FAM81B: variants seen among roughly 807,000 people sequenced by gnomAD.
FAM81B encodes family with sequence similarity 81 member B, also known as protein FAM81B.
FAM81B carries 60 observed loss-of-function variants against 58.7 expected under a neutral mutation model. That is an observed-to-expected ratio of 1.02 (90% CI 0.83 to 1.27). The LOEUF is 1.27. Among genes scored for constraint, FAM81B ranks in the 50% most tolerant of loss-of-function variants. The pLI, the probability that FAM81B is intolerant of heterozygous loss-of-function variation, is 0.00. For missense variants in FAM81B, 491 were observed against 522.0 expected (o/e 0.94, Z 0.58); for synonymous variants, 189 against 179.6 (o/e 1.05, Z -0.42).
chr5:95,399,657 C>G (rs571044271), intron 3 of FAM81B, among the ~76,000 whole-genome samples: 1 of 152,234 alleles, frequency 6.6e-6, no homozygotes, highest in African/African-American at 2.4e-5. Context: ...TCTGCTCAAG[C>G]GTGAGAACTC....
At chr5:95,440,419 C>CT (rs1380477990) in intron 7 of FAM81B, 1 of 661,110 alleles carries the variant, frequency 1.5e-6, no homozygotes, top group Non-Finnish European at 2.9e-6. Flanking sequence ...CTGGTAATGC[C>CT]TAAGGCAATT....
chr5:95,448,617 G>T (rs1387392340), intron 9 of FAM81B, 153 bp downstream of exon 9: 18 of 723,874 alleles, frequency 2.5e-5, no homozygotes, highest in Non-Finnish European at 3.6e-5. Flanking sequence ...TATAGAATAT[G>T]AGTATTATAC....
At chr5:95,393,806 A>T (rs1226554500) in intron 2 of FAM81B, among the ~76,000 whole-genome samples, 1 of 152,230 alleles carries the variant, frequency 6.6e-6, no homozygotes, top group African/African-American at 2.4e-5. Context: ...AACGTATTTC[A>T]TAGCCCATAA....
At chr5:95,433,946 A>G (rs1218437776) in intron 6 of FAM81B, among the ~76,000 whole-genome samples, 2 of 152,142 alleles carry the variant, frequency 1.3e-5, no homozygotes, top group Non-Finnish European at 2.9e-5. Flanking sequence ...TCCTCACTTC[A>G]CATGTAGAGT....
chr5:95,409,901 G>A lies in FAM81B; in HGVS notation c.294-4046G>A, dbSNP rs150280825. On this transcript the variant is annotated intron_variant, in intron 3 of 9. Transcript: ENST00000283357. ...CAGAGATACTTGATATCAAATTGGA[G>A]GTAAAAAGGAGGAAAATTGCATATG... Among the ~76,000 whole-genome samples, 711 of 152,290 alleles carry A rather than the reference G, an allele frequency of 4.7e-3. 4 individuals are homozygous for A. Among genetic ancestry groups the A allele is most frequent in the African/African-American group, 0.016 (679 of 41,558 alleles).
chr5:95,399,611 A>C (rs1418506423), intron 3 of FAM81B, among the ~76,000 whole-genome samples: 1 of 152,030 alleles, frequency 6.6e-6, no homozygotes, highest in Non-Finnish European at 1.5e-5. Flanking sequence ...AGTCCCTCCT[A>C]AGAGGCTGTC....
chr5:95,412,051 G>T (rs1334735641), intron 3 of FAM81B, among the ~76,000 whole-genome samples: 1 of 152,054 alleles, frequency 6.6e-6, no homozygotes, highest in Non-Finnish European at 1.5e-5. Context: ...ATATTACAGG[G>T]ATACATTATG....
At chr5:95,425,416 C>T (rs1055420773) in intron 5 of FAM81B, among the ~76,000 whole-genome samples, 1 of 152,064 alleles carries the variant, frequency 6.6e-6, no homozygotes, top group African/African-American at 2.4e-5. Flanking sequence ...CCACCTCAAC[C>T]AATGCTAGAA....
At chr5:95,438,261 G>A (rs776537649) in intron 7 of FAM81B, among the ~76,000 whole-genome samples, 9 of 152,260 alleles carry the variant, frequency 5.9e-5, no homozygotes, top group South Asian at 2.1e-4. Flanking sequence ...AGGGTGTTCA[G>A]TGAGTAGCTA....
chr5:95,396,192 C>T lies in FAM81B; in HGVS notation c.293+17C>T, dbSNP rs776260960. ...TGTTGACAAGTAAGTGTGTAAATTA[C>T]AACTAGTTTTAACTATTAACTGCAT... On this transcript the variant is annotated intron_variant, in intron 3 of 9. Transcript: ENST00000283357. The T allele has an allele frequency of 1.7e-5, 26 of 1,569,988 alleles. No individual in the cohort carries two copies. Among genetic ancestry groups the T allele is most frequent in the Non-Finnish European group, 1.8e-5 (21 of 1,157,132 alleles).
intron 5 of FAM81B, among the ~76,000 whole-genome samples, chr5:95,428,167 C>G (rs1047577933): frequency 2.0e-5 from 3 of 152,098 alleles, no homozygotes; most frequent in African/African-American, 7.2e-5. Flanking sequence ...AATTGATAGT[C>G]TGGGGGCCAA....
chr5:95,422,593 A>T (rs1374967765), intron 5 of FAM81B, among the ~76,000 whole-genome samples: 1 of 152,074 alleles, frequency 6.6e-6, no homozygotes, highest in Non-Finnish European at 1.5e-5. Flanking sequence ...AACAATTATC[A>T]TGCCTCAGCC....
intron 7 of FAM81B, chr5:95,440,429 T>G: frequency 1.5e-6 from 1 of 655,110 alleles, no homozygotes; most frequent in Admixed American, 1.8e-5. Flanking sequence ...CTAAGGCAAT[T>G]CGAATTTTGG....
At chr5:95,439,040 C>A (rs2152769260) in intron 7 of FAM81B, among the ~76,000 whole-genome samples, 2 of 150,772 alleles carry the variant, frequency 1.3e-5, no homozygotes, top group Middle Eastern at 3.4e-3. Context: ...AGTAAATGTT[C>A]TAAGTTTTTT....
chr5:95,409,441 G>A (rs1055139796), intron 3 of FAM81B, among the ~76,000 whole-genome samples: 8 of 114,892 alleles, frequency 7.0e-5, no homozygotes, highest in African/African-American at 2.5e-4. Flanking sequence ...TTACAGGTGT[G>A]AGCCACCACG....
Position 95,414,064 on chromosome 5 carries a change from G to A in FAM81B, c.411G>A (p.Glu137=), listed in dbSNP as rs1371175685. Residue 137 remains glutamate (E), a synonymous_variant, in exon 4 of 10, where the codon GAG becomes GAA. Coordinates refer to ENST00000283357, the MANE Select transcript of FAM81B (RefSeq NM_152548.3). ...TTGAACAAGCCTTCCGCATCAAGGAGGACATCTCTGCTTGCCTGCAGGGGA... is the reference window on the plus strand; with the variant it reads ...TTGAACAAGCCTTCCGCATCAAGGAAGACATCTCTGCTTGCCTGCAGGGGA... ...FLLEQAFRIK[E]DISACLQGTH... The A allele has an allele frequency of 1.9e-6, 3 of 1,614,074 alleles. No homozygotes were observed. Among genetic ancestry groups the A allele is most frequent in the Non-Finnish European group, 2.5e-6 (3 of 1,180,000 alleles).
chr5:95,418,111 G>A (rs1285196565), intron 4 of FAM81B, among the ~76,000 whole-genome samples: 2 of 152,174 alleles, frequency 1.3e-5, no homozygotes, highest in East Asian at 3.8e-4. Context: ...GTAGCGGGAT[G>A]AAATTTTGCA....
chr5:95,411,413 C>T (rs772929193), intron 3 of FAM81B, among the ~76,000 whole-genome samples: 32 of 152,128 alleles, frequency 2.1e-4, no homozygotes, highest in Middle Eastern at 3.2e-3. Flanking sequence ...GAGCATTTCA[C>T]AGGCCACTTT....
intron 7 of FAM81B, among the ~76,000 whole-genome samples, 170 bp from the exon 8 acceptor site, chr5:95,446,392 C>G (rs1357101464): frequency 6.6e-6 from 1 of 152,166 alleles, no homozygotes; most frequent in East Asian, 1.9e-4. Context: ...AAGCTCAGGA[C>G]AGGAACCCAG....
Sources: allele counts gnomAD v4.1 joint callset (sites outside exome capture counted in the v4.1 genomes callset), GRCh38; gene constraint gnomAD v4.1.1; transcripts MANE v1.5; gene names NCBI Gene and HGNC (gene_info 2026-07-23, HGNC 2026-07-21).